ROBO1: variants seen among roughly 807,000 people sequenced by gnomAD.
ROBO1 encodes roundabout homolog 1.
ROBO1 carries 149 observed loss-of-function variants against 195.9 expected under a neutral mutation model. That is an observed-to-expected ratio of 0.76 (90% CI 0.67 to 0.87). The LOEUF (loss-of-function observed/expected upper bound fraction) is 0.87, where lower values mean the gene tolerates loss of function less well. ROBO1 is among the 40% of genes least tolerant of loss of function. ROBO1 has a pLI of 0.00. For missense variants in ROBO1, 1,933 were observed against 2,068.3 expected, an observed-to-expected ratio of 0.93 and a Z score of 1.27; for synonymous variants, 816 against 733.2, an observed-to-expected ratio of 1.11 and a Z score of -1.82.
chr3:79,572,339 C>T (rs1018444181), intron 2 of ROBO1, among the ~76,000 whole-genome samples: 1 of 151,970 alleles, frequency 6.6e-6, no homozygotes, highest in Non-Finnish European at 1.5e-5. Context: ...TTAGATGAAA[C>T]ACTTCAATCT....
At chr3:79,659,907 G>C (rs951865897) in intron 1 of ROBO1, among the ~76,000 whole-genome samples, 3 of 152,052 alleles carry the variant, frequency 2.0e-5, no homozygotes, top group Admixed American at 1.3e-4. Flanking sequence ...TAACAGGGCT[G>C]CTGCCAAAGA....
In ROBO1 at chr3:79,400,261, A is replaced by T. The variant is rs185207776; in HGVS notation, c.88+189563T>A. On this transcript the variant is annotated intron_variant, in intron 2 of 30. Transcript: ENST00000464233. ...TTCTATCAATTTCCTGAGTCACTCC[A>T]TAAAAGATACATATATAACAACCCC... Among the ~76,000 whole-genome samples the T allele has an allele frequency of 9.2e-5, 14 of 152,236 alleles. 1 individual carries two copies. In the South Asian group the frequency reaches 2.5e-3, roughly 27 times the overall value.
chr3:78,802,297 C>G (rs1468188114), intron 4 of ROBO1, among the ~76,000 whole-genome samples: 1 of 152,106 alleles, frequency 6.6e-6, no homozygotes, highest in Non-Finnish European at 1.5e-5. Context: ...CACAGTGATA[C>G]AACACATTGA....
At chr3:78,680,384 A>G (rs946133164) in intron 10 of ROBO1, among the ~76,000 whole-genome samples, 1 of 152,178 alleles carries the variant, frequency 6.6e-6, no homozygotes, top group South Asian at 2.1e-4. Context: ...CTACCATCAG[A>G]GTGAACAGGC....
chr3:79,656,120 G>A (rs1946150649), intron 1 of ROBO1, among the ~76,000 whole-genome samples: 1 of 151,984 alleles, frequency 6.6e-6, no homozygotes, highest in Admixed American at 6.6e-5. Flanking sequence ...TTTTAAATCA[G>A]TTTTTATAAC....
chr3:79,294,455 G>A (rs761851375), intron 2 of ROBO1, among the ~76,000 whole-genome samples: 1 of 151,966 alleles, frequency 6.6e-6, no homozygotes, highest in Non-Finnish European at 1.5e-5. Context: ...AACTCAAGAT[G>A]GATTAAAGAC....
intron 2 of ROBO1, among the ~76,000 whole-genome samples, chr3:79,509,702 C>G (rs1288646364): frequency 1.3e-5 from 2 of 152,114 alleles, no homozygotes; most frequent in East Asian, 3.9e-4. Flanking sequence ...GCACTCAATA[C>G]ATCTTGGTTT....
chr3:79,674,008 C>A (rs1274201943), intron 1 of ROBO1, among the ~76,000 whole-genome samples: 2 of 151,952 alleles, frequency 1.3e-5, no homozygotes, highest in African/African-American at 4.8e-5. Context: ...ATCAAAGATT[C>A]CAGAAAGTTA....
chr3:78,989,677 T>A (rs1039272301), intron 3 of ROBO1, among the ~76,000 whole-genome samples: 23 of 152,120 alleles, frequency 1.5e-4, no homozygotes, highest in African/African-American at 5.5e-4. Flanking sequence ...ACAGCTTTCT[T>A]TGTCTAGGAT....
At chr3:78,768,286 G>A (rs889311292) in intron 4 of ROBO1, among the ~76,000 whole-genome samples, 17 of 151,162 alleles carry the variant, frequency 1.1e-4, no homozygotes, top group African/African-American at 3.2e-4. Context: ...ATTCCACTGT[G>A]GTCTGAGAGA....
chr3:79,021,957 C>T (rs906772535), intron 3 of ROBO1, among the ~76,000 whole-genome samples: 8 of 152,224 alleles, frequency 5.3e-5, no homozygotes, highest in African/African-American at 1.9e-4. Context: ...CTGCCGCGCC[C>T]GGCCTAGAGA....
chr3:79,663,103 A>G (rs1228299831), intron 1 of ROBO1, among the ~76,000 whole-genome samples: 2 of 152,058 alleles, frequency 1.3e-5, no homozygotes, highest in Non-Finnish European at 2.9e-5. Context: ...GCTAAAGTGG[A>G]CATAATTCTG....
chr3:79,705,365 C>G (rs543457510), intron 1 of ROBO1, among the ~76,000 whole-genome samples: 1 of 130,830 alleles, frequency 7.6e-6, no homozygotes, highest in Non-Finnish European at 1.7e-5. Context: ...TGTACAGTCT[C>G]TGTCTAGATT....
chr3:79,742,164 T>C (rs1703675447), intron 1 of ROBO1, among the ~76,000 whole-genome samples: 2 of 152,240 alleles, frequency 1.3e-5, no homozygotes, highest in African/African-American at 4.8e-5. Context: ...TCAAGCCTGC[T>C]GCACAAATTT....
At chr3:78,835,612 T>C (rs2032639407) in intron 4 of ROBO1, among the ~76,000 whole-genome samples, 3 of 145,026 alleles carry the variant, frequency 2.1e-5, no homozygotes. Flanking sequence ...TGGGAAAGCA[T>C]ATATCCATAG....
chr3:79,138,550 C>T (rs1459155932), intron 2 of ROBO1, among the ~76,000 whole-genome samples: 1 of 151,848 alleles, frequency 6.6e-6, no homozygotes, highest in Admixed American at 6.6e-5. Flanking sequence ...ATATTACTTC[C>T]TTTTTCTCCC....
rs13322024 is a variant in ROBO1 at position 78,955,125 on chromosome 3, C to T, written c.173-16198G>A. On this transcript the variant is annotated intron_variant, in intron 3 of 30. Coordinates refer to ENST00000464233, the MANE Select transcript of ROBO1 (RefSeq NM_002941.4). ...TGTGTCATGGGGTTATATAGGTAAA[C>T]TGTGTGTCATGGAGTTATATAGGTA... 6.1e-3 allele frequency among the ~76,000 whole-genome samples: 627 copies of T among 103,468 alleles called. 7 individuals carry two copies. Among genetic ancestry groups the T allele is most frequent in the African/African-American group, 0.028 (508 of 18,216 alleles). 67.9% of individuals were successfully genotyped at this position (103,468 alleles called of 152,430 possible).
At chr3:78,856,652 A>G (rs1462608625) in intron 4 of ROBO1, among the ~76,000 whole-genome samples, 1 of 151,414 alleles carries the variant, frequency 6.6e-6, no homozygotes. Flanking sequence ...AAATAATAAA[A>G]ATAAATAAAA....
At chr3:78,974,100 A>C (rs2076834263) in intron 3 of ROBO1, among the ~76,000 whole-genome samples, 1 of 152,190 alleles carries the variant, frequency 6.6e-6, no homozygotes, top group African/African-American at 2.4e-5. Flanking sequence ...ATTAGCGAAT[A>C]ATTTTTAAAC....
Sources: gnomAD v4.1 joint callset for allele counts (sites outside exome capture counted in the v4.1 genomes callset) on GRCh38, gnomAD v4.1.1 for gene constraint, MANE v1.5 for transcripts, NCBI Gene and HGNC (gene_info 2026-07-23, HGNC 2026-07-21) for gene names.